The following RLN2 variants were observed in gnomAD, a reference collection of about 807,000 sequenced individuals.
The protein encoded by RLN2 is relaxin 2.
RLN2 carries 10 observed loss-of-function variants against 7.3 expected under a neutral mutation model. The ratio of observed to expected loss-of-function variants is 1.36; its 90% CI spans 0.84 to 2.31. The LOEUF (loss-of-function observed/expected upper bound fraction) is 2.31. Among genes scored for constraint, RLN2 ranks in the 30% most tolerant of loss-of-function variants. The probability of loss-of-function intolerance (pLI) is 0.00; values close to 1 mark genes in which losing one functional copy is unlikely to be tolerated. For missense variants in RLN2, 298 were observed against 217.6 expected, an observed-to-expected ratio of 1.37 and a Z score of -2.32; for synonymous variants, 103 against 82.3, an observed-to-expected ratio of 1.25 and a Z score of -1.36.
At chr9:5,314,864 C>A in the RLN2 span, among the ~76,000 whole-genome samples, 1 of 151,580 alleles carries the variant, frequency 6.6e-6, no homozygotes, top group African/African-American at 2.4e-5. Flanking sequence ...TGTCCTGGGG[C>A]CTAAGTTGCA....
At chr9:5,320,107 T>C in the RLN2 span, among the ~76,000 whole-genome samples, 3 of 151,418 alleles carry the variant, frequency 2.0e-5, no homozygotes, top group Non-Finnish European at 2.9e-5. Context: ...TGCCTCAGCC[T>C]CCCAAGTAGT....
At chr9:5,314,846 G>C in the RLN2 span, among the ~76,000 whole-genome samples, 1 of 152,010 alleles carries the variant, frequency 6.6e-6, no homozygotes, top group South Asian at 2.1e-4. Flanking sequence ...CCACCATGCA[G>C]TCCCTCGTGT....
the RLN2 span, among the ~76,000 whole-genome samples, chr9:5,329,330 G>GA: frequency 2.8e-5 from 3 of 105,328 alleles, no homozygotes; most frequent in African/African-American, 7.3e-5. Flanking sequence ...AAAAAAAAAA[G>GA]AAAAGAAACT....
Position 5,300,074 on chromosome 9 carries a change from G to T in RLN2, c.*24C>A. 1 of 1,398,042 alleles carries T rather than the reference G, an allele frequency of 7.2e-7. No individual in the cohort carries two copies. The highest frequency in any genetic ancestry group is 9.9e-7 in the Non-Finnish European group (1 of 1,006,512). The allele number at this position is 1,398,042 out of a possible 1,614,324, so 86.6% of individuals were successfully genotyped here. A position where few individuals can be genotyped will look rare whatever the true frequency, so the allele number is the denominator to read the frequency against. On this transcript the variant is annotated 3_prime_UTR_variant, in exon 2 of 2. Coordinates refer to ENST00000381627, the MANE Select transcript of RLN2 (RefSeq NM_134441.3). ...TTAAGAATATGTGTGAATATTATAC[G>T]AGATGTGCACAATTAGCTTCATCTC...
At chr9:5,334,583 T>C in the RLN2 span, among the ~76,000 whole-genome samples, 1 of 152,006 alleles carries the variant, frequency 6.6e-6, no homozygotes, top group Non-Finnish European at 1.5e-5. Flanking sequence ...CTGTAATATA[T>C]GATATGGATG....
the RLN2 span, among the ~76,000 whole-genome samples, chr9:5,330,173 C>G: frequency 6.6e-6 from 1 of 151,896 alleles, no homozygotes; most frequent in East Asian, 1.9e-4. Context: ...GGGTAAGTAA[C>G]GAAATGAAGG....
At chr9:5,336,848 C>T in the RLN2 span, among the ~76,000 whole-genome samples, 37 of 152,078 alleles carry the variant, frequency 2.4e-4, no homozygotes, top group Non-Finnish European at 4.7e-4. Context: ...CTGATGCCTG[C>T]TGATCAGAGG....
the RLN2 span, among the ~76,000 whole-genome samples, chr9:5,315,901 A>C: frequency 6.6e-6 from 1 of 152,090 alleles, no homozygotes; most frequent in Admixed American, 6.6e-5. Flanking sequence ...AAACAAAAGA[A>C]GTTGAAGAAA....
chr9:5,300,517 G>T, intron 1 of RLN2, 73 bp from the exon 2 acceptor site: 1 of 987,166 alleles, frequency 1.0e-6, no homozygotes, highest in Non-Finnish European at 1.5e-6. Flanking sequence ...AACTATGAAT[G>T]TTTGCATAGA....
At chr9:5,306,811 T>C (rs535353013), upstream of RLN2, among the ~76,000 whole-genome samples, 3 of 152,000 alleles carry the variant, frequency 2.0e-5, no homozygotes, top group African/African-American at 7.3e-5. Flanking sequence ...TACAGAGTAA[T>C]GTCTTTGAAT....
chr9:5,304,806 CTTGGTCTCCCTCTCTGCCTT>C (rs2130993876), upstream of RLN2: 1 of 576,002 alleles, frequency 1.7e-6, no homozygotes, highest in Non-Finnish European at 3.1e-6. Context: ...CCCCTCAGCT[CTTGGTCTCCCTCTCTGCCTT>C]TCCTTCATTT....
At chr9:5,316,204 A>T in the RLN2 span, among the ~76,000 whole-genome samples, 2 of 152,074 alleles carry the variant, frequency 1.3e-5, no homozygotes, top group Non-Finnish European at 2.9e-5. Context: ...TATTAAGTAT[A>T]TACTTATCAT....
upstream of RLN2, among the ~76,000 whole-genome samples, chr9:5,305,422 G>C (rs1045490153): frequency 2.0e-5 from 3 of 150,526 alleles, no homozygotes; most frequent in Admixed American, 1.3e-4. Flanking sequence ...GAGAGAGAGA[G>C]AGAGAAGAAA....
chr9:5,327,855 G>C, the RLN2 span, among the ~76,000 whole-genome samples: 1 of 151,956 alleles, frequency 6.6e-6, no homozygotes, highest in African/African-American at 2.4e-5. Flanking sequence ...AAACGGAAAT[G>C]AATAGCATCA....
chr9:5,314,819 C>T, the RLN2 span, among the ~76,000 whole-genome samples: 1 of 152,012 alleles, frequency 6.6e-6, no homozygotes, highest in Non-Finnish European at 1.5e-5. Context: ...GTCCCACTAT[C>T]CCCAGGTCCA....
At position 5,300,267 on chromosome 9, in the gene RLN2, T is replaced by C. The variant is rs752221766; in HGVS notation, c.389A>G (p.Lys130Arg). 2 of 1,614,098 alleles carry C rather than the reference T, an allele frequency of 1.2e-6. No homozygotes were observed. Among genetic ancestry groups the C allele is most frequent in the South Asian group, 2.2e-5 (2 of 91,062 alleles). Reference protein sequence around the residue: ...KDSSLLFEEFKKLIRNRQSEA... With the variant: ...KDSSLLFEEFRKLIRNRQSEA... ...ACTTTGTCTATTGCGAATAAGTTTC[T>C]TAAATTCTTCAAAGAGAAGACTGGA... The change falls in exon 2 of 2, where the codon AAG (lysine) becomes AGG (arginine). Residue 130 changes from lysine to arginine, a missense_variant. Coordinates refer to ENST00000381627, the MANE Select transcript of RLN2 (RefSeq NM_134441.3).
the RLN2 span, among the ~76,000 whole-genome samples, chr9:5,332,004 T>G: frequency 1.3e-5 from 2 of 151,970 alleles, no homozygotes; most frequent in Non-Finnish European, 2.9e-5. Context: ...CATTGTAGTA[T>G]TATTTGTGTT....
At chr9:5,330,477 A>G in the RLN2 span, among the ~76,000 whole-genome samples, 1 of 151,514 alleles carries the variant, frequency 6.6e-6, no homozygotes, top group Non-Finnish European at 1.5e-5. Flanking sequence ...TCTCTACTAA[A>G]AATACAAAAA....
chr9:5,319,471 T>C, the RLN2 span, among the ~76,000 whole-genome samples: 1 of 152,002 alleles, frequency 6.6e-6, no homozygotes, highest in Non-Finnish European at 1.5e-5. Context: ...ACTTTTCATT[T>C]AGGAAAAAGT....
Sources: gnomAD v4.1 joint callset for allele counts (sites outside exome capture counted in the v4.1 genomes callset) on GRCh38, gnomAD v4.1.1 for gene constraint, MANE v1.5 for transcripts, NCBI Gene and HGNC (gene_info 2026-07-23, HGNC 2026-07-21) for gene names.